Variants in FBXL4 observed in about 807,000 individuals in gnomAD.
FBXL4 encodes the protein F-box and leucine rich repeat protein 4.
A neutral mutation model predicts 58.9 loss-of-function variants in FBXL4; 40 were observed. That is an observed-to-expected ratio of 0.68 (90% CI 0.53 to 0.88). The LOEUF (loss-of-function observed/expected upper bound fraction) is 0.88. Among genes scored for constraint, FBXL4 ranks in the 40% least tolerant of loss-of-function variants. FBXL4 has a pLI of 0.00. For synonymous variants in FBXL4, 263 were observed against 265.5 expected (o/e 0.99, Z 0.09); for missense variants, 676 against 734.4 (o/e 0.92, Z 0.92).
chr6:98,884,751 G>A (rs1770975800), intron 7 of FBXL4, among the ~76,000 whole-genome samples: 1 of 152,152 alleles, frequency 6.6e-6, no homozygotes, highest in Non-Finnish European at 1.5e-5. Flanking sequence ...GAAAGATAAT[G>A]ATTCTTAACA....
intron 6 of FBXL4, among the ~76,000 whole-genome samples, chr6:98,900,989 A>G (rs1171026122): frequency 1.3e-5 from 2 of 152,102 alleles, no homozygotes; most frequent in Non-Finnish European, 2.9e-5. Context: ...CATTCATTCA[A>G]CAAATATGCC....
In FBXL4 at chr6:98,926,570, A is replaced by G. The variant is rs1057519447; in HGVS notation, c.419T>C (p.Val140Ala). Reference sequence around the variant, plus strand: ...GGGATGATAGGTTTCTAGAACATGTACAGCTGTAGGATACACCTGTTGTTC... The same window carrying G: ...GGGATGATAGGTTTCTAGAACATGTGCAGCTGTAGGATACACCTGTTGTTC... Reference protein sequence around the residue: ...TFEQQVYPTAVHVLETYHPGA... With the variant: ...TFEQQVYPTAAHVLETYHPGA... The change falls in exon 4 of 10, where the codon GTA becomes GCA. Residue 140 changes from valine (V) to alanine (A), a missense_variant. Coordinates refer to ENST00000369244, the MANE Select transcript of FBXL4 (RefSeq NM_001278716.2). 3.7e-6 allele frequency: 6 copies of G among 1,614,046 alleles called. No individual in the cohort carries two copies. The Admixed American group carries it at 8.3e-5, about 22-fold the overall frequency.
intron 5 of FBXL4, among the ~76,000 whole-genome samples, chr6:98,908,655 TGGTATCAAAAC>T (rs1771909520): frequency 6.6e-6 from 1 of 152,116 alleles, no homozygotes. Context: ...TAGACAACAT[TGGTATCAAAAC>T]GTTTTTATTC....
chr6:98,911,131 C>T (rs1371799459), intron 5 of FBXL4, among the ~76,000 whole-genome samples: 3 of 152,174 alleles, frequency 2.0e-5, no homozygotes, highest in Admixed American at 6.5e-5. Flanking sequence ...GGGGGAGGGG[C>T]GCCTGCCATT....
intron 1 of FBXL4, among the ~76,000 whole-genome samples, chr6:98,945,814 T>C (rs536904796): frequency 1.3e-5 from 2 of 152,224 alleles, no homozygotes; most frequent in Non-Finnish European, 2.9e-5. Flanking sequence ...CGGTGCAAAG[T>C]CAAAAGGCAT....
chr6:98,925,750 A>G (rs985366270), intron 4 of FBXL4, among the ~76,000 whole-genome samples: 1 of 152,250 alleles, frequency 6.6e-6, no homozygotes, highest in Non-Finnish European at 1.5e-5. Flanking sequence ...ACTTTTGTGT[A>G]TAAAAATATA....
rs567161872 is a variant in FBXL4, at chr6:98,891,028, C to T, written c.1317+8240G>A. ...ATCACCATTTTAGAATATTTAAATCCAATTACTTTGTCCAGATTTGCTATG... is the reference window on the plus strand; with the variant it reads ...ATCACCATTTTAGAATATTTAAATCTAATTACTTTGTCCAGATTTGCTATG... On this transcript the variant is annotated intron_variant, in intron 7 of 9. Coordinates refer to ENST00000369244, the MANE Select transcript of FBXL4 (RefSeq NM_001278716.2). 3.9e-5 allele frequency among the ~76,000 whole-genome samples: 6 copies of T among 152,116 alleles called. No individual in the cohort carries two copies. In the South Asian group the frequency reaches 1.2e-3, roughly 32 times the overall value.
At chr6:98,900,194 C>T (rs565044905) in intron 6 of FBXL4, among the ~76,000 whole-genome samples, 2 of 152,290 alleles carry the variant, frequency 1.3e-5, no homozygotes, top group South Asian at 4.1e-4. Flanking sequence ...TGTCTATGAT[C>T]ATCCCCTGAA....
intron 5 of FBXL4, among the ~76,000 whole-genome samples, chr6:98,910,215 T>C (rs1311350554): frequency 6.6e-6 from 1 of 152,118 alleles, no homozygotes; most frequent in Non-Finnish European, 1.5e-5. Flanking sequence ...ATTTCGAAAC[T>C]GGTGGGGAGA....
In FBXL4 at chr6:98,901,102, GAGA is replaced by G. The variant is rs569463898; in HGVS notation, c.1104-1624_1104-1622del. Reference sequence around the variant, plus strand: ...ATGAAGCTTACTAATGTTTTGAAGAGAGAAGGAGATGATAACCAAATGAGTAAA... The same window carrying G: ...ATGAAGCTTACTAATGTTTTGAAGAGAGGAGATGATAACCAAATGAGTAAA... On this transcript the variant is annotated intron_variant, in intron 6 of 9. Coordinates refer to ENST00000369244, the MANE Select transcript of FBXL4 (RefSeq NM_001278716.2). Among the ~76,000 whole-genome samples, 10 of 152,244 alleles carry G rather than the reference GAGA, an allele frequency of 6.6e-5. No homozygotes were observed. The South Asian group carries it at 1.5e-3, about 22-fold the overall frequency.
chr6:98,940,445 T>C (rs1773391757), intron 1 of FBXL4, among the ~76,000 whole-genome samples: 1 of 152,224 alleles, frequency 6.6e-6, no homozygotes, highest in Admixed American at 6.5e-5. Flanking sequence ...AGAGTTCCAG[T>C]TGCTCCACAT....
intron 1 of FBXL4, among the ~76,000 whole-genome samples, chr6:98,944,969 T>C (rs1221842231): frequency 6.6e-6 from 1 of 152,156 alleles, no homozygotes; most frequent in Non-Finnish European, 1.5e-5. Context: ...CCAGTTTCCA[T>C]GAAACTGTTA....
chr6:98,906,282 C>T (rs970369578), intron 5 of FBXL4, among the ~76,000 whole-genome samples: 4 of 152,018 alleles, frequency 2.6e-5, no homozygotes, highest in Non-Finnish European at 5.9e-5. Context: ...CCCATCAACC[C>T]GTCACCTACA....
chr6:98,883,525 T>A (rs907737564), intron 7 of FBXL4, among the ~76,000 whole-genome samples: 10 of 151,848 alleles, frequency 6.6e-5, no homozygotes, highest in South Asian at 4.2e-4. Context: ...CTAAGATTCT[T>A]TTTTTTTAAA....
intron 4 of FBXL4, 141 bp downstream of exon 4, chr6:98,926,336 C>T: frequency 2.6e-6 from 2 of 766,338 alleles, no homozygotes; most frequent in Non-Finnish European, 2.0e-6. Flanking sequence ...TCTCTCTTCC[C>T]CATCAGAAAA....
At chr6:98,947,944 AGGAAGAC>A (rs1395452738) in exon 1 of FBXL4, 2 of 147,930 alleles carry the variant, frequency 1.4e-5, no homozygotes. Flanking sequence ...GCGACCCGGA[AGGAAGAC>A]GCGGAGGCCG....
rs185858489 is a variant in FBXL4, at chr6:98,897,198, G to A, written c.1317+2070C>T. On this transcript the variant is annotated intron_variant, in intron 7 of 9. Transcript: ENST00000369244. Reference sequence around the variant, plus strand: ...AAATCCTCCTTGCTCAGAGGATTTCGTTTATAGTACTTAGGCCCATAAAAT... The same window carrying A: ...AAATCCTCCTTGCTCAGAGGATTTCATTTATAGTACTTAGGCCCATAAAAT... The A allele has an allele frequency of 7.9e-4, 775 of 985,066 alleles. 1 individual carries two copies. Among genetic ancestry groups the A allele is most frequent in the Admixed American group, 2.0e-3 (32 of 16,260 alleles). 61.0% of individuals were successfully genotyped at this position (985,066 alleles called of 1,614,324 possible).
intron 9 of FBXL4, among the ~76,000 whole-genome samples, chr6:98,875,084 A>G (rs2128375270): frequency 6.6e-6 from 1 of 151,088 alleles, no homozygotes; most frequent in African/African-American, 2.4e-5. Context: ...TCATTATACA[A>G]ATGAATTAAT....
At chr6:98,924,368 C>T (rs1430683060) in intron 4 of FBXL4, among the ~76,000 whole-genome samples, 1 of 152,102 alleles carries the variant, frequency 6.6e-6, no homozygotes, top group African/African-American at 2.4e-5. Context: ...ACCAGCCTGC[C>T]CAACCTGGTG....
Sources: gnomAD v4.1 joint callset for allele counts (sites outside exome capture counted in the v4.1 genomes callset) on GRCh38, gnomAD v4.1.1 for gene constraint, MANE v1.5 for transcripts, NCBI Gene and HGNC (gene_info 2026-07-23, HGNC 2026-07-21) for gene names.